PIP5KL1: variants seen among roughly 807,000 people sequenced by gnomAD.
PIP5KL1 encodes phosphatidylinositol 4-phosphate 5-kinase-like protein 1.
In PIP5KL1, 45 loss-of-function variants were observed where a neutral mutation model predicts 47.6. The observed-to-expected ratio is 0.94, with a 90% CI of 0.74 to 1.21. The LOEUF is 1.21. Ranked by LOEUF, PIP5KL1 falls within the 50% of genes most tolerant of loss-of-function variation. The probability of loss-of-function intolerance (pLI) is 0.00; values close to 1 mark genes in which losing one functional copy is unlikely to be tolerated. For missense variants in PIP5KL1, 577 were observed against 547.6 expected (o/e 1.05, Z -0.54); for synonymous variants, 256 against 234.6 (o/e 1.09, Z -0.84).
rs1165463810 is a variant in PIP5KL1, at chr9:127,928,203, G to A, written c.296C>T (p.Thr99Met). 2.0e-6 allele frequency: 3 copies of A among 1,537,896 alleles called. No homozygotes were observed. Among genetic ancestry groups the A allele is most frequent in the South Asian group, 1.2e-5 (1 of 82,908 alleles). The change falls in exon 4 of 10, where the codon ACG becomes ATG. Residue 99 changes from threonine (T) to methionine (M), a missense_variant. Coordinates refer to ENST00000388747, the MANE Select transcript of PIP5KL1 (RefSeq NM_001135219.2). Reference protein sequence around the residue: ...TQVHEGFELGTLAGPAFAWLR... With the variant: ...TQVHEGFELGMLAGPAFAWLR... ...CCAGGCAAAGGCGGGGCCGGCCAGC[G>A]TGCCCAGCTCGAAGCCCTGCAGGGG...
Position 127,929,793 on chromosome 9 carries a change from C to T in PIP5KL1, c.123G>A (p.Leu41=), listed in dbSNP as rs1351611208. Residue 41 remains leucine (L), a synonymous_variant, in exon 2 of 10, where the codon CTG becomes CTA. Transcript: ENST00000388747. The surrounding 1 kb of genome is among the most constrained non-coding windows in gnomAD (Gnocchi z 4.0). ...LWRLRDKQSR[L]GLFEISPGHE... is the part of the protein sequence containing the mutation. Reference sequence around the variant, plus strand: ...GCCCCGGGCTGATCTCAAACAGGCCCAGGCGAGACTGCTTGTCTCGGAGGC... The same window carrying T: ...GCCCCGGGCTGATCTCAAACAGGCCTAGGCGAGACTGCTTGTCTCGGAGGC... 3 of 1,558,024 alleles carry T rather than the reference C, an allele frequency of 1.9e-6. No individual in the cohort carries two copies. The Admixed American group carries it at 5.8e-5, about 30-fold the overall frequency.
rs775245693 is a variant in PIP5KL1 at position 127,925,291 on chromosome 9, G to A, written c.764-31C>T. 30 of 1,604,964 alleles carry A rather than the reference G, an allele frequency of 1.9e-5. No individual in the cohort carries two copies. In the Admixed American group the frequency reaches 3.0e-4, roughly 16 times the overall value. ...GGAGCATCAGTGCCCCCACCTGAGC[G>A]CTCATCATGTGCCAGCCACGGTGCT... is the stretch of plus-strand genomic sequence containing the variant. On this transcript the variant is annotated intron_variant, in intron 8 of 9. Coordinates refer to ENST00000388747, the MANE Select transcript of PIP5KL1 (RefSeq NM_001135219.2).
At position 127,927,844 on chromosome 9, in the gene PIP5KL1, C is replaced by T; in HGVS notation, c.435-72G>A. On this transcript the variant is annotated intron_variant, in intron 4 of 9. Coordinates refer to ENST00000388747, the MANE Select transcript of PIP5KL1 (RefSeq NM_001135219.2). The surrounding 1 kb of genome is among the most constrained non-coding windows in gnomAD (Gnocchi z 5.5). ...GCTCCCACCCGGCCCCCTTCCCCGA[C>T]CTGTGCACGTGGATCTCGCTCCCAG... 1 of 1,518,334 alleles carries T rather than the reference C, an allele frequency of 6.6e-7. No individual in the cohort carries two copies. Among genetic ancestry groups the T allele is most frequent in the Non-Finnish European group, 8.8e-7 (1 of 1,139,212 alleles). 94.1% of individuals were successfully genotyped at this position (1,518,334 alleles called of 1,614,324 possible). A position where few individuals can be genotyped will look rare whatever the true frequency, so the allele number is the denominator to read the frequency against.
chr9:127,930,382 G>A (rs1427877079), intron 1 of PIP5KL1, among the ~76,000 whole-genome samples: 1 of 152,238 alleles, frequency 6.6e-6, no homozygotes, highest in Non-Finnish European at 1.5e-5. Flanking sequence ...GCACGGAGGG[G>A]CCAGCACGAT....
intron 9 of PIP5KL1, among the ~76,000 whole-genome samples, chr9:127,923,198 TC>T (rs1164427884): frequency 6.6e-6 from 1 of 152,196 alleles, no homozygotes; most frequent in Admixed American, 6.5e-5. Flanking sequence ...CCTAACTTTG[TC>T]CTCAGGCGTC....
rs1210929677 is a variant in PIP5KL1, at chr9:127,927,902, C to T, written c.435-130G>A. ...CACCGCCTCTCTCGCCTTCGGCCCT[C>T]GCCCTCCTCTCCTCCCCGATCTGTC... On this transcript the variant is annotated intron_variant, in intron 4 of 9. Transcript: ENST00000388747. The surrounding 1 kb of genome is among the most constrained non-coding windows in gnomAD (Gnocchi z 5.5). 2.9e-5 allele frequency: 43 copies of T among 1,476,974 alleles called. No homozygotes were observed. The highest frequency in any genetic ancestry group is 3.9e-5 in the Non-Finnish European group (43 of 1,110,290). 91.5% of individuals were successfully genotyped at this position (1,476,974 alleles called of 1,614,324 possible).
rs1200632428 is a variant in PIP5KL1, at chr9:127,927,230, G to A, written c.595-22C>T. On this transcript the variant is annotated intron_variant, in intron 6 of 9. Transcript: ENST00000388747. The surrounding 1 kb of genome is among the most constrained non-coding windows in gnomAD (Gnocchi z 5.5). ...ACGTCTGGGGGCCGGGACAGGGAGT[G>A]AGGGAGGCCGGCTGTCGCCCTCCAG... 1 of 1,612,684 alleles carries A rather than the reference G, an allele frequency of 6.2e-7. No homozygotes were observed. Among genetic ancestry groups the A allele is most frequent in the South Asian group, 1.1e-5 (1 of 90,894 alleles).
chr9:127,929,557 TCCTC>T lies in PIP5KL1; in HGVS notation c.228+127_228+130del, dbSNP rs1831409592. 2 of 993,726 alleles carry T rather than the reference TCCTC, an allele frequency of 2.0e-6. No individual in the cohort carries two copies. The highest frequency in any genetic ancestry group is 2.9e-6 in the Non-Finnish European group (2 of 690,940). The allele number at this position is 993,726 out of a possible 1,614,324, so 61.6% of individuals were successfully genotyped here. ...CGTTCCAGCTCCCACACCACAATGT[TCCTC>T]CCTCTCTGCCTTCCTCCCCTTGATA... On this transcript the variant is annotated intron_variant, in intron 2 of 9. Coordinates refer to ENST00000388747, the MANE Select transcript of PIP5KL1 (RefSeq NM_001135219.2). The surrounding 1 kb of genome is among the most constrained non-coding windows in gnomAD (Gnocchi z 4.0).
Position 127,929,597 on chromosome 9 carries a change from A to C in PIP5KL1, c.228+91T>G. 38 of 1,282,754 alleles carry C rather than the reference A, an allele frequency of 3.0e-5. No individual in the cohort carries two copies. Among genetic ancestry groups the C allele is most frequent in the African/African-American group, 4.5e-5 (3 of 66,428 alleles). 79.5% of individuals were successfully genotyped at this position (1,282,754 alleles called of 1,614,324 possible). A position where few individuals can be genotyped will look rare whatever the true frequency, so the allele number is the denominator to read the frequency against. ...TTCCTCCCCTTGATATCCCTCTCTG[A>C]TCCCCACACCTGCAGTTTCAGCCAG... On this transcript the variant is annotated intron_variant, in intron 2 of 9. Transcript: ENST00000388747. This position sits in a 1 kb window ranked among gnomAD's most constrained non-coding sequence, Gnocchi z 4.0.
At position 127,928,236 on chromosome 9, in the gene PIP5KL1, G is replaced by T. The variant is rs1284686486; in HGVS notation, c.280-17C>A. 7.8e-6 allele frequency: 12 copies of T among 1,530,022 alleles called. No homozygotes were observed. The highest frequency in any genetic ancestry group is 9.7e-6 in the Non-Finnish European group (11 of 1,138,948). The allele number at this position is 1,530,022 out of a possible 1,614,324, so 94.8% of individuals were successfully genotyped here. On this transcript the variant is annotated splice_polypyrimidine_tract_variant and intron_variant, in intron 3 of 9. Coordinates refer to ENST00000388747, the MANE Select transcript of PIP5KL1 (RefSeq NM_001135219.2). ...CTCGAAGCCCTGCAGGGGAGGAAGAGCCTCCTCTGGAGTGTCTGCGTGGGC... is the reference window on the plus strand; with the variant it reads ...CTCGAAGCCCTGCAGGGGAGGAAGATCCTCCTCTGGAGTGTCTGCGTGGGC...
rs764555984 is a variant in PIP5KL1 at position 127,925,137 on chromosome 9, G to C, written c.887C>G (p.Pro296Arg). The stretch of plus-strand genomic sequence containing the variant: ...CGTGCGGAAGATGAGGCTGCTGCCC[G>C]GGCCCCTCTCATCCTCGTGGAGACG... ...FQRLHEDERG[P>R]GSSLIFRTAR... is the part of the protein sequence containing the mutation. Residue 296 changes from proline (P) to arginine (R), a missense_variant, in exon 9 of 10, where the codon CCG (proline) becomes CGG (arginine). Transcript: ENST00000388747. The C allele has an allele frequency of 6.2e-7, 1 of 1,613,962 alleles. No individual in the cohort carries two copies. Among genetic ancestry groups the C allele is most frequent in the Admixed American group, 1.7e-5 (1 of 59,992 alleles).
intron 9 of PIP5KL1, among the ~76,000 whole-genome samples, chr9:127,922,694 C>CAAAAAAAA (rs386416269): frequency 1.6e-4 from 14 of 89,262 alleles, no homozygotes; most frequent in East Asian, 3.8e-4. Context: ...GACTCTGTCT[C>CAAAAAAAA]AAAAAAAAAA....
At position 127,927,641 on chromosome 9, in the gene PIP5KL1, C is replaced by A; in HGVS notation, c.559+7G>T. 1 of 1,534,062 alleles carries A rather than the reference C, an allele frequency of 6.5e-7. No individual in the cohort carries two copies. The highest frequency in any genetic ancestry group is 8.7e-7 in the Non-Finnish European group (1 of 1,145,506). On this transcript the variant is annotated splice_region_variant and intron_variant, in intron 5 of 9. Transcript: ENST00000388747. The surrounding 1 kb of genome is among the most constrained non-coding windows in gnomAD (Gnocchi z 5.5). ...GCCCCCACCGAGCCCCGCCCCCAGC[C>A]AAGTACCCAGCAACCGCGCCAGCAG...
rs1831277036 is a variant in PIP5KL1 at position 127,921,273 on chromosome 9, C to G, written c.*574G>C. ...GAATGCCTCCCAGAGCTCCAGGCAG[C>G]CCCCAGGACCCCTGCTTCTCCCACC... On this transcript the variant is annotated 3_prime_UTR_variant, in exon 10 of 10. Transcript: ENST00000388747. 1 of 153,048 alleles carries G rather than the reference C, an allele frequency of 6.5e-6. No individual in the cohort carries two copies. Among genetic ancestry groups the G allele is most frequent in the Non-Finnish European group, 1.5e-5 (1 of 68,632 alleles). The allele number at this position is 153,048 out of a possible 1,614,324, so 9.5% of individuals were successfully genotyped here.
At chr9:127,926,553 G>C (rs1831365412) in intron 7 of PIP5KL1, among the ~76,000 whole-genome samples, 1 of 152,194 alleles carries the variant, frequency 6.6e-6, no homozygotes, top group African/African-American at 2.4e-5. Context: ...CACCATGCCC[G>C]GCCCTATAGC....
Position 127,927,723 on chromosome 9 carries a change from C to T in PIP5KL1, c.484G>A (p.Ala162Thr). 6.4e-7 allele frequency: 1 copy of T among 1,552,844 alleles called. No homozygotes were observed. Among genetic ancestry groups the T allele is most frequent in the Non-Finnish European group, 8.7e-7 (1 of 1,149,486 alleles). ...LKTQGRREVQALLAHLPRYVQ... is the reference protein window; with the variant it reads ...LKTQGRREVQTLLAHLPRYVQ... ...TAGCGGGGCAGGTGGGCGAGCAGAG[C>T]CTGCACCTCTCGGCGCCCCTGGGTC... Residue 162 changes from alanine (A) to threonine (T), a missense_variant, in exon 5 of 10, where the codon GCT becomes ACT. Coordinates refer to ENST00000388747, the MANE Select transcript of PIP5KL1 (RefSeq NM_001135219.2). The surrounding 1 kb of genome is among the most constrained non-coding windows in gnomAD (Gnocchi z 5.5).
At position 127,927,948 on chromosome 9, in the gene PIP5KL1, C is replaced by T. The variant is rs1588685388; in HGVS notation, c.434+117G>A. ...CTGTCCACCATCCGGCCCTGACCCT[C>T]CCAGATTAGGGCCGCTCTGTTTCTC... On this transcript the variant is annotated intron_variant, in intron 4 of 9. Transcript: ENST00000388747. The surrounding 1 kb of genome is among the most constrained non-coding windows in gnomAD (Gnocchi z 5.5). 1 of 1,444,498 alleles carries T rather than the reference C, an allele frequency of 6.9e-7. No individual in the cohort carries two copies. Among genetic ancestry groups the T allele is most frequent in the East Asian group, 2.5e-5 (1 of 39,670 alleles). The allele number at this position is 1,444,498 out of a possible 1,614,324, so 89.5% of individuals were successfully genotyped here.
Position 127,922,117 on chromosome 9 carries a change from G to T in PIP5KL1, c.918-3C>A. On this transcript the variant is annotated splice_polypyrimidine_tract_variant and splice_region_variant and intron_variant, in intron 9 of 9. Coordinates refer to ENST00000388747, the MANE Select transcript of PIP5KL1 (RefSeq NM_001135219.2). ...GGCTCTGTGCCCCTTGCACAGACCT[G>T]GGGGCCGACAGGAGGGTGAAGCTGC... 1.3e-6 allele frequency: 2 copies of T among 1,493,976 alleles called. No individual in the cohort carries two copies. Among genetic ancestry groups the T allele is most frequent in the East Asian group, 2.5e-5 (1 of 40,412 alleles). 92.5% of individuals were successfully genotyped at this position (1,493,976 alleles called of 1,614,324 possible). A position where few individuals can be genotyped will look rare whatever the true frequency, so the allele number is the denominator to read the frequency against.
rs1168115159 is a variant in PIP5KL1, at chr9:127,925,274, A to G, written c.764-14T>C. ...TCCGCTGGGGCCCTGCCGGAGCATC[A>G]GTGCCCCCACCTGAGCGCTCATCAT... On this transcript the variant is annotated splice_polypyrimidine_tract_variant and intron_variant, in intron 8 of 9. Transcript: ENST00000388747. 3 of 1,610,078 alleles carry G rather than the reference A, an allele frequency of 1.9e-6. No homozygotes were observed. The highest frequency in any genetic ancestry group is 2.5e-6 in the Non-Finnish European group (3 of 1,179,878).
Sources: gnomAD v4.1 joint callset for allele counts (sites outside exome capture counted in the v4.1 genomes callset) on GRCh38, gnomAD v4.1.1 for gene constraint, Gnocchi (gnomAD v3.1) non-coding constraint, MANE v1.5 for transcripts, NCBI Gene and HGNC (gene_info 2026-07-23, HGNC 2026-07-21) for gene names.